The following NFATC2 variants were observed in gnomAD, a reference collection of about 807,000 sequenced individuals.
NFATC2 encodes the protein nuclear factor of activated T-cells, cytoplasmic 2.
Under a neutral mutation model 87.3 loss-of-function variants are expected in NFATC2, and 22 were observed. The ratio of observed to expected loss-of-function variants is 0.25; its 90% CI spans 0.18 to 0.36. The LOEUF (loss-of-function observed/expected upper bound fraction) is 0.36, where lower values mean the gene tolerates loss of function less well. NFATC2 is among the 10% of genes least tolerant of loss of function. The pLI is 1.00. For missense variants in NFATC2, 1,149 were observed against 1,259.1 expected, an observed-to-expected ratio of 0.91 and a Z score of 1.32; for synonymous variants, 565 against 542.2, an observed-to-expected ratio of 1.04 and a Z score of -0.58.
At chr20:51,490,772 TA>T (rs149119065) in intron 3 of NFATC2, among the ~76,000 whole-genome samples, 2 of 151,608 alleles carry the variant, frequency 1.3e-5, no homozygotes, top group Middle Eastern at 3.4e-3. Flanking sequence ...TTGGGTAACA[TA>T]AAAAAAAATT....
intron 6 of NFATC2, among the ~76,000 whole-genome samples, chr20:51,441,444 G>A (rs1320520768): frequency 2.7e-5 from 4 of 149,718 alleles, no homozygotes; most frequent in South Asian, 2.1e-4. Flanking sequence ...GGCCAGGTTC[G>A]GTGGCTCATG....
At chr20:51,562,811 C>G, upstream of NFATC2, 1 of 557,512 alleles carries the variant, frequency 1.8e-6, no homozygotes, top group East Asian at 3.0e-5. The surrounding 1 kb of genome is among the most constrained non-coding windows in gnomAD (Gnocchi z 5.8). Flanking sequence ...GGCGCGGCTC[C>G]GCGATCCGGC....
intron 3 of NFATC2, among the ~76,000 whole-genome samples, chr20:51,516,551 G>A (rs965762224): frequency 1.3e-5 from 2 of 152,292 alleles, no homozygotes; most frequent in African/African-American, 4.8e-5. Flanking sequence ...GAAGCATCCG[G>A]GCACATGAAT....
intron 3 of NFATC2, among the ~76,000 whole-genome samples, chr20:51,497,327 C>G (rs377193890): frequency 6.6e-6 from 1 of 152,166 alleles, no homozygotes; most frequent in African/African-American, 2.4e-5. Context: ...AACAATCCAC[C>G]AAAAGATAAA....
chr20:51,400,068 G>A (rs1254017949), intron 9 of NFATC2, among the ~76,000 whole-genome samples: 2 of 151,344 alleles, frequency 1.3e-5, no homozygotes, highest in Non-Finnish European at 2.9e-5. Flanking sequence ...TGTGTTCCCT[G>A]ACTCCTTGTT....
At chr20:51,418,351 C>G (rs1980334493) in intron 9 of NFATC2, among the ~76,000 whole-genome samples, 1 of 152,222 alleles carries the variant, frequency 6.6e-6, no homozygotes, top group Non-Finnish European at 1.5e-5. Context: ...TTGGCAGTAT[C>G]TGCAGACATT....
At chr20:51,526,418 T>C (rs900547089) in intron 1 of NFATC2, among the ~76,000 whole-genome samples, 1 of 152,184 alleles carries the variant, frequency 6.6e-6, no homozygotes, top group Non-Finnish European at 1.5e-5. Flanking sequence ...TATTTACTCC[T>C]TGGCCCTTTA....
chr20:51,481,515 T>A (rs2146541089), intron 3 of NFATC2, among the ~76,000 whole-genome samples: 1 of 152,246 alleles, frequency 6.6e-6, no homozygotes, highest in African/African-American at 2.4e-5. Context: ...TTTCTGCTTC[T>A]TGTAATTTCC....
chr20:51,555,958 G>A (rs2076974734), intron 1 of NFATC2, among the ~76,000 whole-genome samples: 1 of 152,214 alleles, frequency 6.6e-6, no homozygotes, highest in Non-Finnish European at 1.5e-5. Context: ...ACCTTATTTG[G>A]AAATAGTGTC....
Position 51,432,855 on chromosome 20 carries a change from T to A in NFATC2, c.2033-99A>T. The A allele has an allele frequency of 9.4e-7, 1 of 1,063,348 alleles. No individual in the cohort carries two copies. The highest frequency in any genetic ancestry group is 1.3e-6 in the Non-Finnish European group (1 of 784,172). 65.9% of individuals were successfully genotyped at this position (1,063,348 alleles called of 1,614,324 possible). A position where few individuals can be genotyped will look rare whatever the true frequency, so the allele number is the denominator to read the frequency against. On this transcript the variant is annotated intron_variant, in intron 8 of 10. Coordinates refer to ENST00000371564, the MANE Select transcript of NFATC2 (RefSeq NM_012340.5). The surrounding 1 kb of genome is among the most constrained non-coding windows in gnomAD (Gnocchi z 4.6). ...GTGCTTGAGAACATGGCCTTGGGAG[T>A]CCATACGGGTGGGACAAACAGCTGG...
chr20:51,538,327 T>C (rs1343424660), intron 1 of NFATC2, among the ~76,000 whole-genome samples: 1 of 152,134 alleles, frequency 6.6e-6, no homozygotes, highest in African/African-American at 2.4e-5. Context: ...ATCATATTTT[T>C]CCATAGATGC....
intron 1 of NFATC2, among the ~76,000 whole-genome samples, chr20:51,551,835 G>T (rs897915001): frequency 6.6e-6 from 1 of 151,622 alleles, no homozygotes; most frequent in Non-Finnish European, 1.5e-5. Flanking sequence ...AGACCATCCT[G>T]GCTAACATGG....
chr20:51,542,692 GCGGCGA>G lies in NFATC2; in HGVS notation c.-199_-194del. 2.7e-6 allele frequency: 3 copies of G among 1,119,582 alleles called. No individual in the cohort carries two copies. The highest frequency in any genetic ancestry group is 3.3e-6 in the Non-Finnish European group (3 of 916,872). 69.4% of individuals were successfully genotyped at this position (1,119,582 alleles called of 1,614,324 possible). On this transcript the variant is annotated 5_prime_UTR_variant, in exon 1 of 11. Coordinates refer to ENST00000371564, the MANE Select transcript of NFATC2 (RefSeq NM_012340.5). ...ACGCGCCCGGGGAAGCTGAGCGGCG[GCGGCGA>G]CGGCGGCGCGAGCTTCCTGCTCCGG...
chr20:51,436,017 C>T (rs189619700), intron 6 of NFATC2, among the ~76,000 whole-genome samples: 33 of 152,190 alleles, frequency 2.2e-4, no homozygotes, highest in South Asian at 2.1e-4. Flanking sequence ...GAAAACTCAA[C>T]GCCACATGTT....
chr20:51,494,693 G>A (rs2075959367), intron 3 of NFATC2, among the ~76,000 whole-genome samples: 1 of 152,196 alleles, frequency 6.6e-6, no homozygotes, highest in South Asian at 2.1e-4. Context: ...ACCTCCCGTG[G>A]CAGAGAGGTG....
Position 51,516,892 on chromosome 20 carries a change from G to A in NFATC2, c.1224C>T (p.Tyr408=), listed in dbSNP as rs41307211. 6,860 of 1,614,154 alleles carry A rather than the reference G, an allele frequency of 4.2e-3. 13 individuals are homozygous for A. The highest frequency in any genetic ancestry group is 6.9e-3 in the Middle Eastern group (42 of 6,062). The change falls in exon 3 of 11, where the codon TAC becomes TAT. Residue 408 remains tyrosine (Y), a synonymous_variant. Transcript: ENST00000371564. ...EWPLSSQSGS[Y]ELRIEVQPKP... ...TGGGCTGCACCTCGATCCGCAGCTC[G>A]TAAGAGCCTGACTGACTGGACAGCG...
intron 1 of NFATC2, among the ~76,000 whole-genome samples, chr20:51,555,827 G>A (rs1303047126): frequency 6.6e-6 from 1 of 152,126 alleles, no homozygotes; most frequent in Non-Finnish European, 1.5e-5. Flanking sequence ...AAAAGATATT[G>A]CCTTAGAGAG....
At chr20:51,513,975 C>T (rs2076312268) in intron 3 of NFATC2, among the ~76,000 whole-genome samples, 1 of 152,230 alleles carries the variant, frequency 6.6e-6, no homozygotes, top group South Asian at 2.1e-4. Context: ...ATCCAAATCC[C>T]AGCTCCACCA....
At chr20:51,397,307 C>G (rs144413194) in intron 10 of NFATC2, among the ~76,000 whole-genome samples, 1 of 152,298 alleles carries the variant, frequency 6.6e-6, no homozygotes, top group South Asian at 2.1e-4. Context: ...GAAACCTGGC[C>G]GTACTTGAGT....
Sources: gnomAD v4.1 joint callset for allele counts (sites outside exome capture counted in the v4.1 genomes callset) on GRCh38, gnomAD v4.1.1 for gene constraint, Gnocchi (gnomAD v3.1) non-coding constraint, MANE v1.5 for transcripts, NCBI Gene and HGNC (gene_info 2026-07-23, HGNC 2026-07-21) for gene names.